The following AKAP13 variants were observed in gnomAD, a reference collection of about 807,000 sequenced individuals.
The protein encoded by AKAP13 is A-kinase anchor protein 13.
In AKAP13, 80 loss-of-function variants were observed where a neutral mutation model predicts 264.5. That is an observed-to-expected ratio of 0.30 (90% confidence interval 0.25 to 0.36). AKAP13 has a LOEUF of 0.36. AKAP13 is among the 10% of genes least tolerant of loss of function. The probability of loss-of-function intolerance (pLI) is 1.00; values close to 1 mark genes in which losing one functional copy is unlikely to be tolerated. For missense variants in AKAP13, 3,712 were observed against 3,435.2 expected, an observed-to-expected ratio of 1.08 and a Z score of -2.01; for synonymous variants, 1,380 against 1,250.2, an observed-to-expected ratio of 1.10 and a Z score of -2.19.
At chr15:85,569,549 T>C (rs921618053) in intron 5 of AKAP13, among the ~76,000 whole-genome samples, 13 of 149,172 alleles carry the variant, frequency 8.7e-5, no homozygotes, top group African/African-American at 3.2e-4. Context: ...GCCTCCCGGG[T>C]TCAGGCGATT....
At chr15:85,417,857 C>G (rs1356431829) in intron 1 of AKAP13, among the ~76,000 whole-genome samples, 2 of 152,098 alleles carry the variant, frequency 1.3e-5, no homozygotes, top group African/African-American at 4.8e-5. Flanking sequence ...CTAGATTTGT[C>G]TGGCTCCAGT....
At chr15:85,465,765 C>T (rs372007799) in intron 1 of AKAP13, among the ~76,000 whole-genome samples, 3 of 150,844 alleles carry the variant, frequency 2.0e-5, no homozygotes, top group East Asian at 3.9e-4. Flanking sequence ...TTGGACATTT[C>T]GGTTGGTTCC....
chr15:85,517,106 C>T (rs1465793934), intron 2 of AKAP13, among the ~76,000 whole-genome samples: 1 of 152,162 alleles, frequency 6.6e-6, no homozygotes, highest in Non-Finnish European at 1.5e-5. Context: ...CTCCAGTATA[C>T]CACTGTGATT....
intron 2 of AKAP13, among the ~76,000 whole-genome samples, chr15:85,508,076 T>C (rs2076294490): frequency 6.6e-6 from 1 of 152,188 alleles, no homozygotes; most frequent in Admixed American, 6.5e-5. Flanking sequence ...TCTCAAAGCA[T>C]TTCAAGCAGG....
chr15:85,740,345 G>A (rs1567224564), intron 34 of AKAP13, 73 bp downstream of exon 34: 1 of 1,555,678 alleles, frequency 6.4e-7, no homozygotes, highest in East Asian at 2.3e-5. Context: ...TGTTGACTTG[G>A]ATCTTTGAGG....
intron 17 of AKAP13, among the ~76,000 whole-genome samples, chr15:85,696,420 C>CT (rs2085569666): frequency 1.3e-5 from 2 of 152,208 alleles, no homozygotes; most frequent in Non-Finnish European, 2.9e-5. Flanking sequence ...AACATAAAGA[C>CT]TGAGCGAGGC....
In AKAP13 at chr15:85,682,154, C is replaced by A; in HGVS notation, c.5102-4C>A. ...TCTAACTTTTTTTCTGCCTTGTTTT[C>A]TAGATTCACGGCCCTTCCACAGTAC... is the stretch of plus-strand genomic sequence containing the variant. On this transcript the variant is annotated splice_region_variant and splice_polypyrimidine_tract_variant and intron_variant, in intron 14 of 36. Transcript: ENST00000394518. The A allele has an allele frequency of 6.2e-7, 1 of 1,613,328 alleles. No homozygotes were observed. Among genetic ancestry groups the A allele is most frequent in the South Asian group, 1.1e-5 (1 of 91,058 alleles).
At chr15:85,666,452 T>A (rs1037485929) in intron 13 of AKAP13, among the ~76,000 whole-genome samples, 3 of 82 alleles carry the variant, frequency 0.037, no homozygotes, top group African/African-American at 0.067. Context: ...ATTGCAAAAA[T>A]TTTCTGCCTT....
At position 85,740,206 on chromosome 15, in the gene AKAP13, T is replaced by C. The variant is rs1254898516; in HGVS notation, c.7558-16T>C. On this transcript the variant is annotated splice_polypyrimidine_tract_variant and intron_variant, in intron 33 of 36. Coordinates refer to ENST00000394518, the MANE Select transcript of AKAP13 (RefSeq NM_007200.5). ...AAAGCCCTGAAACGAATGTTTCCAT[T>C]TTGTTCCTTTGGCAGCAGGTTGTCC... 8.1e-6 allele frequency: 13 copies of C among 1,614,024 alleles called. No individual in the cohort carries two copies. Among genetic ancestry groups the C allele is most frequent in the Admixed American group, 1.7e-5 (1 of 60,014 alleles).
At chr15:85,609,103 GTTAA>G (rs2080481851) in intron 8 of AKAP13, among the ~76,000 whole-genome samples, 1 of 152,062 alleles carries the variant, frequency 6.6e-6, no homozygotes, top group African/African-American at 2.4e-5. Context: ...CACCTCAAAC[GTTAA>G]TTATTTCTTA....
intron 5 of AKAP13, among the ~76,000 whole-genome samples, chr15:85,565,762 C>CAG (rs1215895412): frequency 6.6e-6 from 1 of 152,190 alleles, no homozygotes; most frequent in Non-Finnish European, 1.5e-5. Flanking sequence ...GGAGAGTGGA[C>CAG]AGAGAGAGAG....
intron 12 of AKAP13, chr15:85,662,459 A>G: frequency 1.2e-6 from 2 of 1,614,098 alleles, no homozygotes; most frequent in Non-Finnish European, 1.7e-6. Context: ...AGAAGGTATG[A>G]TATTGTTATG....
chr15:85,554,464 C>G (rs533706837), intron 5 of AKAP13, among the ~76,000 whole-genome samples: 3 of 152,284 alleles, frequency 2.0e-5, no homozygotes, highest in African/African-American at 7.2e-5. Flanking sequence ...GTAACTATCT[C>G]TTAACCTAGT....
chr15:85,395,689 A>G (rs2071076576), intron 1 of AKAP13, among the ~76,000 whole-genome samples: 2 of 152,182 alleles, frequency 1.3e-5, no homozygotes, highest in African/African-American at 4.8e-5. Flanking sequence ...TTTCCAAACA[A>G]TCCAATAAAT....
intron 5 of AKAP13, among the ~76,000 whole-genome samples, chr15:85,556,999 A>G (rs751710277): frequency 6.6e-6 from 1 of 152,214 alleles, no homozygotes; most frequent in Non-Finnish European, 1.5e-5. Flanking sequence ...TTGTGTATAC[A>G]CTTCCTTTTA....
At chr15:85,479,259 C>T (rs2075279153) in intron 1 of AKAP13, among the ~76,000 whole-genome samples, 1 of 152,220 alleles carries the variant, frequency 6.6e-6, no homozygotes, top group South Asian at 2.1e-4. Flanking sequence ...AGCCACCAGC[C>T]CAGGCTCCGT....
intron 1 of AKAP13, among the ~76,000 whole-genome samples, chr15:85,479,173 A>G (rs1186710633): frequency 6.6e-6 from 1 of 152,188 alleles, no homozygotes; most frequent in Admixed American, 6.5e-5. Context: ...TACTTTTTGT[A>G]TCCTGGTCTT....
intron 29 of AKAP13, among the ~76,000 whole-genome samples, chr15:85,729,329 G>C (rs1045764587): frequency 1.3e-5 from 2 of 152,042 alleles, no homozygotes; most frequent in East Asian, 1.9e-4. Flanking sequence ...AAAAGAGTCT[G>C]GTCGGTTGGT....
In AKAP13 at chr15:85,581,760, C is replaced by G. The variant is rs752629562; in HGVS notation, c.3692C>G (p.Pro1231Arg). 1 of 1,614,178 alleles carries G rather than the reference C, an allele frequency of 6.2e-7. No individual in the cohort carries two copies. Among genetic ancestry groups the G allele is most frequent in the Admixed American group, 1.7e-5 (1 of 60,036 alleles). Residue 1231 changes from proline to arginine, a missense_variant, in exon 7 of 37, where the codon CCT becomes CGT. Physicochemically the swap from Pro to Arg is moderately radical, Grantham distance 103. This residue lies in a region of AKAP13 where 2,759 missense variants were observed against 2,411.7 expected (regional missense o/e 1.14). Coordinates refer to ENST00000394518, the MANE Select transcript of AKAP13 (RefSeq NM_007200.5). ...SGRERSTPSL[P>R]CMVSAQDAPL... ...AGGGAAAGGAGCACTCCCTCTCTAC[C>G]TTGCATGGTCTCTGCCCAGGACGCA... is the stretch of plus-strand genomic sequence containing the variant.
Sources: gnomAD v4.1 joint callset for allele counts (sites outside exome capture counted in the v4.1 genomes callset) on GRCh38, gnomAD v4.1.1 for gene constraint, gnomAD v4.1.1 regional missense constraint, MANE v1.5 for transcripts, NCBI Gene and HGNC (gene_info 2026-07-23, HGNC 2026-07-21) for gene names.